Variants in TRDMT1 observed in about 807,000 individuals in gnomAD.
The protein encoded by TRDMT1 is tRNA aspartic acid methyltransferase 1.
Under a neutral mutation model 51.2 loss-of-function variants are expected in TRDMT1, and 49 were observed. The observed-to-expected ratio is 0.96, with a 90% CI of 0.76 to 1.21. The LOEUF (loss-of-function observed/expected upper bound fraction) is 1.21. Ranked by LOEUF, TRDMT1 falls within the 50% of genes most tolerant of loss-of-function variation. The pLI, the probability that TRDMT1 is intolerant of heterozygous loss-of-function variation, is 0.00. For missense variants in TRDMT1, 534 were observed against 462.3 expected, an observed-to-expected ratio of 1.16 and a Z score of -1.42; for synonymous variants, 187 against 164.6, an observed-to-expected ratio of 1.14 and a Z score of -1.04.
At chr10:17,177,173 A>G (rs1295638492) in intron 1 of TRDMT1, among the ~76,000 whole-genome samples, 1 of 36,504 alleles carries the variant, frequency 2.7e-5, no homozygotes, top group Non-Finnish European at 7.7e-5. Context: ...TTAGAGAAAC[A>G]CATTTATTTT....
Position 17,148,200 on chromosome 10 carries a change from GAAC to G in TRDMT1, c.*837_*839del. 5.1e-6 allele frequency: 5 copies of G among 985,332 alleles called. No individual in the cohort carries two copies. Among genetic ancestry groups the G allele is most frequent in the Non-Finnish European group, 6.0e-6 (5 of 829,882 alleles). The allele number at this position is 985,332 out of a possible 1,614,324, so 61.0% of individuals were successfully genotyped here. On this transcript the variant is annotated 3_prime_UTR_variant, in exon 11 of 11. Coordinates refer to ENST00000377799, the MANE Select transcript of TRDMT1 (RefSeq NM_004412.7). The stretch of plus-strand genomic sequence containing the variant: ...TGAGAGTGTATGTTGCTACAATAAA[GAAC>G]AACTGGGGGGAGGGGAGTACTGTCA...
In TRDMT1 at chr10:17,140,963, G is replaced by A. The variant is rs1286805717; in HGVS notation, c.*8077C>T. ...CTGCTCGCCCTAATAATTGTAAAGA[G>A]CTGCATAGAGGTATATGTGTATCGA... On this transcript the variant is annotated 3_prime_UTR_variant, in exon 11 of 11. Coordinates refer to ENST00000377799, the MANE Select transcript of TRDMT1 (RefSeq NM_004412.7). Among the ~76,000 whole-genome samples, 15 of 152,116 alleles carry A rather than the reference G, an allele frequency of 9.9e-5. No homozygotes were observed. The highest frequency in any genetic ancestry group is 3.1e-4 in the African/African-American group (13 of 41,412).
chr10:17,194,969 G>T (rs904983486), intron 1 of TRDMT1, among the ~76,000 whole-genome samples: 4 of 140,958 alleles, frequency 2.8e-5, no homozygotes, highest in Non-Finnish European at 3.0e-5. Context: ...AAAAAACGCA[G>T]ATGCTGGCAA....
intron 1 of TRDMT1, among the ~76,000 whole-genome samples, chr10:17,188,250 T>C (rs1252353429): frequency 6.6e-6 from 1 of 152,198 alleles, no homozygotes; most frequent in Non-Finnish European, 1.5e-5. Flanking sequence ...CTGTTATGAA[T>C]TTATAAAGAT....
chr10:17,177,720 A>ACG (rs1377279771), intron 1 of TRDMT1, among the ~76,000 whole-genome samples: 1 of 150,458 alleles, frequency 6.6e-6, no homozygotes, highest in African/African-American at 2.5e-5. Context: ...AGAAACACAC[A>ACG]CACACACACA....
chr10:17,148,742 T>C lies in TRDMT1; in HGVS notation c.*298A>G, dbSNP rs1371091682. 2.0e-6 allele frequency: 2 copies of C among 1,021,986 alleles called. No individual in the cohort carries two copies. The highest frequency in any genetic ancestry group is 1.7e-5 in the African/African-American group (1 of 58,098). The allele number at this position is 1,021,986 out of a possible 1,614,324, so 63.3% of individuals were successfully genotyped here. On this transcript the variant is annotated 3_prime_UTR_variant, in exon 11 of 11. Transcript: ENST00000377799. Reference sequence around the variant, plus strand: ...ACTCATGTAGACACTAAAGCTCTAGTGCTCCTTGATTTGTTTATAAAATTG... The same window carrying C: ...ACTCATGTAGACACTAAAGCTCTAGCGCTCCTTGATTTGTTTATAAAATTG...
At chr10:17,199,466 G>A (rs1017112502) in intron 1 of TRDMT1, among the ~76,000 whole-genome samples, 5 of 152,206 alleles carry the variant, frequency 3.3e-5, no homozygotes, top group African/African-American at 1.2e-4. Context: ...GAGGGTTTGA[G>A]GAGTAGAGAG....
chr10:17,148,113 C>T lies in TRDMT1; in HGVS notation c.*927G>A. ...GCAAGACTTAGTTTGATTAGAAACC[C>T]TAATTCCAAGAGGTCTGCTGAGGAA... On this transcript the variant is annotated 3_prime_UTR_variant, in exon 11 of 11. Coordinates refer to ENST00000377799, the MANE Select transcript of TRDMT1 (RefSeq NM_004412.7). 3.0e-6 allele frequency: 3 copies of T among 985,260 alleles called. No individual in the cohort carries two copies. Among genetic ancestry groups the T allele is most frequent in the Non-Finnish European group, 3.6e-6 (3 of 829,894 alleles). The allele number at this position is 985,260 out of a possible 1,614,324, so 61.0% of individuals were successfully genotyped here. A position where few individuals can be genotyped will look rare whatever the true frequency, so the allele number is the denominator to read the frequency against.
intron 1 of TRDMT1, among the ~76,000 whole-genome samples, chr10:17,179,809 AC>A (rs1843053244): frequency 6.6e-6 from 1 of 151,882 alleles, no homozygotes; most frequent in African/African-American, 2.4e-5. Flanking sequence ...ATCCCAAGAG[AC>A]TAGCATTGAT....
In TRDMT1 at chr10:17,157,784, C is replaced by T. The variant is rs1200845783; in HGVS notation, c.544G>A (p.Val182Ile). Residue 182 changes from valine to isoleucine, a missense_variant and splice_region_variant, in exon 8 of 11, where the codon GTA (valine) becomes ATA (isoleucine). By Grantham distance (29) the Val-to-Ile change is conservative. Coordinates refer to ENST00000377799, the MANE Select transcript of TRDMT1 (RefSeq NM_004412.7). ...EPLPFQAPGQ[V>I]LMEFPKIESV... ...TCAATTTTGGGGAACTCCATCAGTA[C>T]CTGGCATTACATAAAAATACACAAA... The T allele has an allele frequency of 1.3e-6, 2 of 1,555,294 alleles. No individual in the cohort carries two copies. Among genetic ancestry groups the T allele is most frequent in the South Asian group, 1.2e-5 (1 of 83,246 alleles).
At chr10:17,174,518 T>C (rs1842409290) in intron 2 of TRDMT1, 33 bp downstream of exon 2, 5 of 1,447,714 alleles carry the variant, frequency 3.5e-6, no homozygotes, top group Admixed American at 1.7e-5. Context: ...TTTCCCTTGC[T>C]ACATACTTAT....
chr10:17,137,381 A>G lies in TRDMT1; in HGVS notation c.*11659T>C, dbSNP rs561872483. ...TTATTGACCTTCTCTGATTTACAAT[A>G]AAGTCGTAATGTACAAATCTGGAGA... On this transcript the variant is annotated 3_prime_UTR_variant, in exon 11 of 11. Transcript: ENST00000377799. 8.5e-5 allele frequency: 13 copies of G among 152,238 alleles called. No individual in the cohort carries two copies. Among genetic ancestry groups the G allele is most frequent in the African/African-American group, 2.2e-4 (9 of 41,454 alleles). 9.4% of individuals were successfully genotyped at this position (152,238 alleles called of 1,614,324 possible). A position where few individuals can be genotyped will look rare whatever the true frequency, so the allele number is the denominator to read the frequency against.
Position 17,143,767 on chromosome 10 carries a change from G to C in TRDMT1, c.*5273C>G, listed in dbSNP as rs1837873645. ...CCATTTTAACAGAAGCTGACCAATG[G>C]AATGCAGAGTGAGAAGGAAGGTGAA... is the stretch of plus-strand genomic sequence containing the variant. On this transcript the variant is annotated 3_prime_UTR_variant, in exon 11 of 11. Coordinates refer to ENST00000377799, the MANE Select transcript of TRDMT1 (RefSeq NM_004412.7). The C allele has an allele frequency of 5.1e-6, 5 of 985,288 alleles. No homozygotes were observed. Among genetic ancestry groups the C allele is most frequent in the Non-Finnish European group, 6.0e-6 (5 of 829,936 alleles). The allele number at this position is 985,288 out of a possible 1,614,324, so 61.0% of individuals were successfully genotyped here. A position where few individuals can be genotyped will look rare whatever the true frequency, so the allele number is the denominator to read the frequency against.
chr10:17,189,277 A>T (rs570944324), intron 1 of TRDMT1, among the ~76,000 whole-genome samples: 2 of 152,208 alleles, frequency 1.3e-5, no homozygotes, highest in African/African-American at 2.4e-5. Context: ...TGGGATCACA[A>T]GCGTTTTGAA....
chr10:17,162,056 C>G lies in TRDMT1; in HGVS notation c.323+110G>C, dbSNP rs770286119. The G allele has an allele frequency of 4.4e-6, 4 of 909,234 alleles. No homozygotes were observed. The African/African-American group carries it at 6.8e-5, about 15-fold the overall frequency. 56.3% of individuals were successfully genotyped at this position (909,234 alleles called of 1,614,324 possible). A position where few individuals can be genotyped will look rare whatever the true frequency, so the allele number is the denominator to read the frequency against. On this transcript the variant is annotated intron_variant, in intron 4 of 10. Coordinates refer to ENST00000377799, the MANE Select transcript of TRDMT1 (RefSeq NM_004412.7). ...AAGATAAATGACAGGCCCAATATCT[C>G]AAGGGAGCATGTATAAATGGCTATC...
In TRDMT1 at chr10:17,140,336, G is replaced by A. The variant is rs1837575687; in HGVS notation, c.*8704C>T. Reference sequence around the variant, plus strand: ...CCCAAAGTGCTGGGATTACAGGTGTGAGGCACCATGCCCAGCACTTCTTTT... The same window carrying A: ...CCCAAAGTGCTGGGATTACAGGTGTAAGGCACCATGCCCAGCACTTCTTTT... On this transcript the variant is annotated 3_prime_UTR_variant, in exon 11 of 11. Coordinates refer to ENST00000377799, the MANE Select transcript of TRDMT1 (RefSeq NM_004412.7). Among the ~76,000 whole-genome samples the A allele has an allele frequency of 6.6e-6, 1 of 151,442 alleles. No homozygotes were observed. The highest frequency in any genetic ancestry group is 2.4e-5 in the African/African-American group (1 of 41,148).
intron 1 of TRDMT1, among the ~76,000 whole-genome samples, chr10:17,185,641 A>G (rs1366791295): frequency 1.3e-5 from 2 of 152,198 alleles, no homozygotes; most frequent in Non-Finnish European, 2.9e-5. Flanking sequence ...ACAATAGCAA[A>G]GACTTGGAAC....
At position 17,167,491 on chromosome 10, in the gene TRDMT1, C is replaced by T. The variant is rs1032644972; in HGVS notation, c.251+1350G>A. Among the ~76,000 whole-genome samples, 4 of 152,162 alleles carry T rather than the reference C, an allele frequency of 2.6e-5. No homozygotes were observed. In the South Asian group the frequency reaches 6.2e-4, roughly 24 times the overall value. The stretch of plus-strand genomic sequence containing the variant: ...TAAATGACATCCTCTGCATAAGACA[C>T]AGACACTTAGAGGATTACTACTGCT... On this transcript the variant is annotated intron_variant, in intron 3 of 10. Transcript: ENST00000377799.
At chr10:17,188,406 A>C (rs979686058) in intron 1 of TRDMT1, among the ~76,000 whole-genome samples, 1 of 152,156 alleles carries the variant, frequency 6.6e-6, no homozygotes, top group African/African-American at 2.4e-5. Context: ...ATTTCCTGTG[A>C]GTTTATAACC....
Sources: allele counts gnomAD v4.1 joint callset (sites outside exome capture counted in the v4.1 genomes callset), GRCh38; gene constraint gnomAD v4.1.1; transcripts MANE v1.5; gene names NCBI Gene and HGNC (gene_info 2026-07-23, HGNC 2026-07-21).